STX18: variants seen among roughly 807,000 people sequenced by gnomAD.
The protein encoded by STX18 is syntaxin 18.
STX18 carries 40 observed loss-of-function variants against 50.1 expected under a neutral mutation model. The observed-to-expected ratio is 0.80, with a 90% CI of 0.62 to 1.04. STX18 has a LOEUF of 1.04. STX18 is among the 50% of genes least tolerant of loss of function. The pLI is 0.00. For synonymous variants in STX18, 158 were observed against 151.8 expected (o/e 1.04, Z -0.30); for missense variants, 410 against 415.8 (o/e 0.99, Z 0.12).
intron 8 of STX18, chr4:4,423,827 C>G (rs1725095506): frequency 1.8e-6 from 1 of 545,252 alleles, no homozygotes; most frequent in East Asian, 3.2e-5. Context: ...TCTACCATGC[C>G]AACTGACCCT....
At chr4:4,428,528 G>A (rs571870488) in intron 7 of STX18, among the ~76,000 whole-genome samples, 2 of 152,252 alleles carry the variant, frequency 1.3e-5, no homozygotes, top group East Asian at 3.9e-4. Context: ...GTAAGCTCTC[G>A]GTGAAGGCTG....
chr4:4,527,389 A>C (rs1730819191), intron 1 of STX18, among the ~76,000 whole-genome samples: 1 of 152,244 alleles, frequency 6.6e-6, no homozygotes, highest in African/African-American at 2.4e-5. Flanking sequence ...TACCAGTTAA[A>C]ATTAAATGTA....
intron 7 of STX18, among the ~76,000 whole-genome samples, chr4:4,431,656 G>A (rs1393720419): frequency 2.0e-5 from 3 of 152,078 alleles, no homozygotes; most frequent in Non-Finnish European, 4.4e-5. Flanking sequence ...TCCCACAGGC[G>A]CCTCAAACTC....
chr4:4,513,233 G>A (rs1436541686), intron 1 of STX18, among the ~76,000 whole-genome samples: 1 of 152,170 alleles, frequency 6.6e-6, no homozygotes, highest in East Asian at 1.9e-4. Flanking sequence ...TGGAGATTCT[G>A]ATAGAGGGGG....
intron 1 of STX18, among the ~76,000 whole-genome samples, chr4:4,494,984 G>A (rs887285673): frequency 2.6e-5 from 4 of 152,150 alleles, no homozygotes; most frequent in African/African-American, 4.8e-5. Flanking sequence ...TGCTCCATAA[G>A]GCCCCTGGAT....
chr4:4,518,858 G>C (rs931795681), intron 1 of STX18, among the ~76,000 whole-genome samples: 3 of 152,184 alleles, frequency 2.0e-5, no homozygotes, highest in African/African-American at 7.2e-5. Flanking sequence ...TAAATTGGGA[G>C]CTTAAAATCA....
At chr4:4,503,099 G>A (rs1729531701) in intron 1 of STX18, among the ~76,000 whole-genome samples, 1 of 152,066 alleles carries the variant, frequency 6.6e-6, no homozygotes, top group Admixed American at 6.6e-5. Context: ...TCGTCTGGCA[G>A]GTCACTAAAA....
intron 1 of STX18, among the ~76,000 whole-genome samples, chr4:4,498,814 T>A (rs778133199): frequency 1.3e-5 from 2 of 152,202 alleles, no homozygotes; most frequent in East Asian, 3.8e-4. Flanking sequence ...GAGAAAGATG[T>A]GGACAACGAA....
intron 3 of STX18, 126 bp downstream of exon 3, chr4:4,459,246 A>T: frequency 1.4e-6 from 1 of 694,196 alleles, no homozygotes; most frequent in Non-Finnish European, 2.5e-6. Context: ...GAAAGAAAAG[A>T]TTTTAACGTT....
At chr4:4,532,489 C>G (rs1287016015) in intron 1 of STX18, among the ~76,000 whole-genome samples, 2 of 152,048 alleles carry the variant, frequency 1.3e-5, no homozygotes, top group African/African-American at 4.8e-5. Context: ...AAAAACCTCA[C>G]TCTTTCAGAG....
chr4:4,456,281 AC>A lies in STX18; in HGVS notation c.497+909del, dbSNP rs376422769. 6.9e-3 allele frequency among the ~76,000 whole-genome samples: 1,050 copies of A among 152,148 alleles called. 8 individuals carry two copies. The highest frequency in any genetic ancestry group is 0.023 in the African/African-American group (936 of 41,466). ...TCAAAAACAAAAAAAACAAAAAAAA[AC>A]AAAAAAGAAAATGTGTCCCCAAACA... On this transcript the variant is annotated intron_variant, in intron 5 of 10. Transcript: ENST00000306200.
chr4:4,510,758 G>A (rs886910769), intron 1 of STX18, among the ~76,000 whole-genome samples: 2 of 152,132 alleles, frequency 1.3e-5, no homozygotes, highest in Non-Finnish European at 2.9e-5. Context: ...GAACCCAAAG[G>A]CCCATCAATG....
At chr4:4,525,085 A>AG (rs1458575554) in intron 1 of STX18, among the ~76,000 whole-genome samples, 1 of 152,204 alleles carries the variant, frequency 6.6e-6, no homozygotes, top group Non-Finnish European at 1.5e-5. Context: ...ATCCTGTGGT[A>AG]CATTTATGAA....
chr4:4,421,755 T>C (rs947426094), intron 9 of STX18, among the ~76,000 whole-genome samples: 5 of 152,234 alleles, frequency 3.3e-5, no homozygotes, highest in Admixed American at 2.0e-4. Context: ...ATACATATGC[T>C]AGCTTCAAAA....
chr4:4,423,912 T>G, intron 8 of STX18: 1 of 368,382 alleles, frequency 2.7e-6, no homozygotes, highest in Non-Finnish European at 5.0e-6. Flanking sequence ...AGGGCCTGGT[T>G]GTGCCCCAGT....
intron 1 of STX18, among the ~76,000 whole-genome samples, chr4:4,477,442 C>A (rs1728241219): frequency 6.6e-6 from 1 of 152,114 alleles, no homozygotes; most frequent in Non-Finnish European, 1.5e-5. Context: ...AGGATCAATG[C>A]CACCAAAAAA....
At chr4:4,532,143 G>GA (rs1384729930) in intron 1 of STX18, among the ~76,000 whole-genome samples, 1 of 152,200 alleles carries the variant, frequency 6.6e-6, no homozygotes, top group East Asian at 1.9e-4. Flanking sequence ...AGGAAGAGGG[G>GA]AGGGCATATG....
At chr4:4,460,726 T>A (rs965823467) in intron 2 of STX18, among the ~76,000 whole-genome samples, 5 of 152,222 alleles carry the variant, frequency 3.3e-5, no homozygotes, top group African/African-American at 1.2e-4. Context: ...CTTATTCCAA[T>A]GCTCCTTAGG....
intron 1 of STX18, among the ~76,000 whole-genome samples, chr4:4,532,989 G>C (rs1163395141): frequency 6.6e-6 from 1 of 152,174 alleles, no homozygotes; most frequent in East Asian, 1.9e-4. Context: ...AGAACATTTT[G>C]ACAAACAGAC....
Sources: gnomAD v4.1 joint callset for allele counts (sites outside exome capture counted in the v4.1 genomes callset) on GRCh38, gnomAD v4.1.1 for gene constraint, MANE v1.5 for transcripts, NCBI Gene and HGNC (gene_info 2026-07-23, HGNC 2026-07-21) for gene names.